The following GRB2 variants were observed in gnomAD, a reference collection of about 807,000 sequenced individuals.
GRB2 encodes growth factor receptor-bound protein 2.
A neutral mutation model predicts 27.4 loss-of-function variants in GRB2; 2 were observed. The observed-to-expected ratio is 0.07, with a 90% CI of 0.03 to 0.23. The LOEUF (loss-of-function observed/expected upper bound fraction) is 0.23. Ranked by LOEUF, GRB2 falls within the 10% of genes least tolerant of loss-of-function variation. The pLI, the probability that GRB2 is intolerant of heterozygous loss-of-function variation, is 1.00. For missense variants in GRB2, 102 were observed against 282.4 expected (o/e 0.36, Z 4.58); for synonymous variants, 94 against 99.6 (o/e 0.94, Z 0.33).
chr17:75,329,583 A>G (rs2078525414), intron 3 of GRB2, among the ~76,000 whole-genome samples: 1 of 152,222 alleles, frequency 6.6e-6, no homozygotes, highest in Non-Finnish European at 1.5e-5. Context: ...TGTTATAAGC[A>G]CCCAGATCAA....
At chr17:75,339,867 G>A (rs182469567) in intron 2 of GRB2, among the ~76,000 whole-genome samples, 28 of 152,280 alleles carry the variant, frequency 1.8e-4, no homozygotes, top group Non-Finnish European at 3.2e-4. Flanking sequence ...GACCTCAGGC[G>A]ATCCACCCGC....
At chr17:75,358,416 T>G (rs2078748692) in intron 2 of GRB2, among the ~76,000 whole-genome samples, 2 of 152,132 alleles carry the variant, frequency 1.3e-5, no homozygotes, top group African/African-American at 4.8e-5. Context: ...CCAATTTAAG[T>G]TGCATTCTAG....
intron 2 of GRB2, among the ~76,000 whole-genome samples, chr17:75,367,385 C>G (rs1384608511): frequency 6.6e-6 from 1 of 152,094 alleles, no homozygotes; most frequent in East Asian, 1.9e-4. Context: ...CTGTGTTGCT[C>G]AGGCTGGTCT....
At chr17:75,352,604 T>C (rs936755351) in intron 2 of GRB2, among the ~76,000 whole-genome samples, 11 of 152,168 alleles carry the variant, frequency 7.2e-5, no homozygotes, top group Admixed American at 2.0e-4. Context: ...CAATGACAAG[T>C]AGTTTCCCAA....
intron 2 of GRB2, among the ~76,000 whole-genome samples, chr17:75,369,432 A>AGGC (rs1302786108): frequency 6.6e-6 from 1 of 152,186 alleles, no homozygotes; most frequent in Non-Finnish European, 1.5e-5. Context: ...AAATATAAGA[A>AGGC]GGCATAGTCA....
In GRB2 at chr17:75,343,474, C is replaced by T. The variant is rs77013922; in HGVS notation, c.79-10677G>A. 8.5e-3 allele frequency among the ~76,000 whole-genome samples: 1,288 copies of T among 152,180 alleles called. 22 individuals are homozygous for T. The highest frequency in any genetic ancestry group is 0.029 in the African/African-American group (1,202 of 41,524). On this transcript the variant is annotated intron_variant, in intron 2 of 5. Coordinates refer to ENST00000316804, the MANE Select transcript of GRB2 (RefSeq NM_002086.5). The stretch of plus-strand genomic sequence containing the variant: ...CATGTTAGAAGATGAACAATTAAGA[C>T]GACTAACCAAATTACAGGATATTTC...
intron 2 of GRB2, among the ~76,000 whole-genome samples, chr17:75,338,528 C>A (rs1361951953): frequency 1.3e-5 from 2 of 152,174 alleles, no homozygotes; most frequent in Non-Finnish European, 2.9e-5. Context: ...TTAGCTATTA[C>A]CCCACAGCTG....
intron 2 of GRB2, among the ~76,000 whole-genome samples, chr17:75,388,441 C>A (rs2078978586): frequency 1.3e-5 from 2 of 151,976 alleles, no homozygotes; most frequent in African/African-American, 4.8e-5. Flanking sequence ...ATGCAATATT[C>A]TGGTTTAGTC....
chr17:75,325,606 T>C (rs7207618), intron 4 of GRB2, among the ~76,000 whole-genome samples: 93,634 of 152,106 alleles, frequency 0.62, 32,549 homozygotes, highest in East Asian at 0.87. Flanking sequence ...GGGAATCCCT[T>C]GGAGGGCAGA....
chr17:75,351,792 A>G (rs540226748), intron 2 of GRB2, among the ~76,000 whole-genome samples: 1 of 152,250 alleles, frequency 6.6e-6, no homozygotes, highest in Non-Finnish European at 1.5e-5. Context: ...TTGTACAATT[A>G]AAAACAGCTA....
At position 75,319,206 on chromosome 17, in the gene GRB2, T is replaced by C. The variant is rs1255133684; in HGVS notation, c.*1162A>G. 6.6e-6 allele frequency: 1 copy of C among 152,310 alleles called. No individual in the cohort carries two copies. Among genetic ancestry groups the C allele is most frequent in the Non-Finnish European group, 1.5e-5 (1 of 67,974 alleles). The allele number at this position is 152,310 out of a possible 1,614,324, so 9.4% of individuals were successfully genotyped here. ...CCTTCCACTCCTGCTTTGTCTCCTT[T>C]GCTCTACCCTGGCTCCCCTGCCCGG... On this transcript the variant is annotated 3_prime_UTR_variant, in exon 6 of 6. Transcript: ENST00000316804.
rs774486618 is a variant in GRB2 at position 75,325,849 on chromosome 17, G to A, written c.299+49C>T. ...CACCTGACCAACGGCTTCACAATTTGGATCAGTCAGAGACAGGATTCCAGG... is the reference window on the plus strand; with the variant it reads ...CACCTGACCAACGGCTTCACAATTTAGATCAGTCAGAGACAGGATTCCAGG... On this transcript the variant is annotated intron_variant, in intron 4 of 5. Coordinates refer to ENST00000316804, the MANE Select transcript of GRB2 (RefSeq NM_002086.5). 4 of 1,601,906 alleles carry A rather than the reference G, an allele frequency of 2.5e-6. No individual in the cohort carries two copies. The Admixed American group carries it at 6.7e-5, about 27-fold the overall frequency.
At chr17:75,324,518 T>TTTTGTTTG (rs2078484512) in intron 4 of GRB2, among the ~76,000 whole-genome samples, 1 of 76,840 alleles carries the variant, frequency 1.3e-5, no homozygotes, top group Non-Finnish European at 2.9e-5. Context: ...TTTTTTTTTT[T>TTTTGTTTG]TTTTTTTTTT....
At chr17:75,325,753 G>A (rs2145820840) in intron 4 of GRB2, 145 bp downstream of exon 4, 1 of 872,314 alleles carries the variant, frequency 1.1e-6, no homozygotes, top group Non-Finnish European at 1.8e-6. Flanking sequence ...AGAGGAGCCA[G>A]AAATTAGGAT....
At position 75,360,858 on chromosome 17, in the gene GRB2, C is replaced by A. The variant is rs116990678; in HGVS notation, c.79-28061G>T. On this transcript the variant is annotated intron_variant, in intron 2 of 5. Transcript: ENST00000316804. ...CTGGAGTGCAGTGGCGTGAACACAG[C>A]TCACTACAGCCTTGAACTCCCACCT... Among the ~76,000 whole-genome samples, 384 of 152,302 alleles carry A rather than the reference C, an allele frequency of 2.5e-3. 6 individuals carry two copies. The East Asian group carries it at 0.057, about 22-fold the overall frequency.
intron 1 of GRB2, among the ~76,000 whole-genome samples, chr17:75,399,547 T>C (rs1365469611): frequency 6.6e-6 from 1 of 151,634 alleles, no homozygotes; most frequent in Non-Finnish European, 1.5e-5. Flanking sequence ...TTTGTATTTT[T>C]AGTAGAGGCA....
chr17:75,326,292 G>C, intron 3 of GRB2: 2 of 436,560 alleles, frequency 4.6e-6, no homozygotes, highest in Admixed American at 3.5e-5. Flanking sequence ...TTGAAAATGG[G>C]CCCCCCAGGC....
chr17:75,324,507 G>GTCTTTTTTTTTTTT (rs1555608338), intron 4 of GRB2, among the ~76,000 whole-genome samples: 5 of 36,700 alleles, frequency 1.4e-4, no homozygotes, highest in South Asian at 1.1e-3. Context: ...ACCGCACCCA[G>GTCTTTTTTTTTTTT]TTTTTTTTTT....
rs528479362 is a variant in GRB2, at chr17:75,334,166, GATTT to G, written c.79-1373_79-1370del. On this transcript the variant is annotated intron_variant, in intron 2 of 5. Transcript: ENST00000316804. Reference sequence around the variant, plus strand: ...TACCTATACGTTTTATTTTTTTTTAGATTTATTTATTTATTTTTTTTTGAGACAG... The same window carrying G: ...TACCTATACGTTTTATTTTTTTTTAGATTTATTTATTTTTTTTTGAGACAG... Among the ~76,000 whole-genome samples, 535 of 151,652 alleles carry G rather than the reference GATTT, an allele frequency of 3.5e-3. 5 individuals are homozygous for G. The highest frequency in any genetic ancestry group is 5.7e-3 in the Admixed American group (87 of 15,224).
Sources: gnomAD v4.1 joint callset for allele counts (sites outside exome capture counted in the v4.1 genomes callset) on GRCh38, gnomAD v4.1.1 for gene constraint, MANE v1.5 for transcripts, NCBI Gene and HGNC (gene_info 2026-07-23, HGNC 2026-07-21) for gene names.